Variants in RPTOR observed in about 807,000 individuals in gnomAD.
RPTOR encodes the protein regulatory associated protein of MTOR complex 1, also known as regulatory-associated protein of mTOR.
A neutral mutation model predicts 169.9 loss-of-function variants in RPTOR; 21 were observed. The observed-to-expected ratio is 0.12, with a 90% CI of 0.09 to 0.18. The LOEUF (loss-of-function observed/expected upper bound fraction) is 0.18. RPTOR is among the 10% of genes least tolerant of loss of function. The pLI is 1.00. For synonymous variants in RPTOR, 732 were observed against 753.2 expected, an observed-to-expected ratio of 0.97 and a Z score of 0.46; for missense variants, 1,133 against 1,855.9, an observed-to-expected ratio of 0.61 and a Z score of 7.16.
chr17:80,807,564 C>T (rs918460921), intron 7 of RPTOR, among the ~76,000 whole-genome samples: 1 of 152,194 alleles, frequency 6.6e-6, no homozygotes, highest in East Asian at 1.9e-4. Context: ...GTTGGCCAGG[C>T]TGGTCTTGAA....
chr17:80,935,657 CA>C (rs998470718), intron 24 of RPTOR, among the ~76,000 whole-genome samples: 2 of 151,290 alleles, frequency 1.3e-5, no homozygotes, highest in Admixed American at 6.6e-5. Context: ...AACCAGTTGT[CA>C]AAAAAAATAA....
chr17:80,858,060 C>A, intron 13 of RPTOR, 160 bp downstream of exon 13: 2 of 637,782 alleles, frequency 3.1e-6, no homozygotes, highest in Non-Finnish European at 5.6e-6. Flanking sequence ...GACGCGCCCG[C>A]CTCGGCAGCC....
At position 80,612,574 on chromosome 17, in the gene RPTOR, C is replaced by T. The variant is rs115758239; in HGVS notation, c.163-13117C>T. Among the ~76,000 whole-genome samples the T allele has an allele frequency of 2.3e-3, 355 of 152,322 alleles. 5 individuals carry two copies. The highest frequency in any genetic ancestry group is 8.0e-3 in the African/African-American group (333 of 41,568). Reference sequence around the variant, plus strand: ...GATTTTCAGCCTTTGCTTTGTGGCTCATTTGTTCTCTGAAGCCTGTGTCTT... The same window carrying T: ...GATTTTCAGCCTTTGCTTTGTGGCTTATTTGTTCTCTGAAGCCTGTGTCTT... On this transcript the variant is annotated intron_variant, in intron 1 of 33. Coordinates refer to ENST00000306801, the MANE Select transcript of RPTOR (RefSeq NM_020761.3).
At position 80,573,382 on chromosome 17, in the gene RPTOR, C is replaced by T. The variant is rs544330286; in HGVS notation, c.162+27591C>T. 3.3e-5 allele frequency among the ~76,000 whole-genome samples: 5 copies of T among 152,252 alleles called. No individual in the cohort carries two copies. The East Asian group carries it at 9.6e-4, about 29-fold the overall frequency. On this transcript the variant is annotated intron_variant, in intron 1 of 33. Coordinates refer to ENST00000306801, the MANE Select transcript of RPTOR (RefSeq NM_020761.3). ...TGATATCTTTTCAGAATTGAGACTT[C>T]TGGTCCACACACATGGCATATCTCT...
chr17:80,926,280 C>T (rs1159477911), intron 24 of RPTOR, among the ~76,000 whole-genome samples: 1 of 152,254 alleles, frequency 6.6e-6, no homozygotes, highest in African/African-American at 2.4e-5. Context: ...AACCATCAGG[C>T]AGCCCCTGAG....
intron 2 of RPTOR, among the ~76,000 whole-genome samples, chr17:80,629,192 T>C (rs1049272538): frequency 2.0e-5 from 3 of 151,784 alleles, no homozygotes; most frequent in South Asian, 4.2e-4. Flanking sequence ...CAGCTGTCTA[T>C]GTATTGCGCT....
intron 2 of RPTOR, among the ~76,000 whole-genome samples, chr17:80,629,140 A>G (rs927452708): frequency 6.7e-6 from 1 of 150,068 alleles, no homozygotes; most frequent in Non-Finnish European, 1.5e-5. Context: ...GCTGTTGGAC[A>G]TTGTACCGCA....
At chr17:80,616,188 A>G (rs1452755832) in intron 1 of RPTOR, among the ~76,000 whole-genome samples, 2 of 152,128 alleles carry the variant, frequency 1.3e-5, no homozygotes, top group African/African-American at 4.8e-5. Context: ...TCCCATGATA[A>G]TGTGGCTAAT....
chr17:80,735,479 A>G (rs1249471832), intron 5 of RPTOR, among the ~76,000 whole-genome samples: 3 of 152,236 alleles, frequency 2.0e-5, no homozygotes, highest in Non-Finnish European at 4.4e-5. Context: ...CTTAGCCTGT[A>G]AACTAGAAAG....
chr17:80,920,267 G>A (rs966626646), intron 21 of RPTOR, among the ~76,000 whole-genome samples: 5 of 152,192 alleles, frequency 3.3e-5, no homozygotes, highest in African/African-American at 4.8e-5. Context: ...CACACCCAGC[G>A]CAATCAACGC....
At chr17:80,963,782 A>C (rs1036220117) in intron 33 of RPTOR, among the ~76,000 whole-genome samples, 25 of 68,688 alleles carry the variant, frequency 3.6e-4, no homozygotes, top group South Asian at 5.0e-4. Flanking sequence ...TGCGGCCCTC[A>C]CCCCGTCCCC....
chr17:80,767,916 T>C (rs60097928), intron 6 of RPTOR, among the ~76,000 whole-genome samples: 2,077 of 152,184 alleles, frequency 0.014, 50 homozygotes, highest in African/African-American at 0.048. Context: ...CAGGCTGGAG[T>C]GCAGTGGTGC....
At chr17:80,711,781 C>T (rs75070306) in intron 4 of RPTOR, among the ~76,000 whole-genome samples, 2,456 of 76,004 alleles carry the variant, frequency 0.032, 97 homozygotes, top group African/African-American at 0.18. Flanking sequence ...CTCCCTCTGT[C>T]GCCAAGGCTG....
intron 6 of RPTOR, among the ~76,000 whole-genome samples, chr17:80,778,039 G>A (rs1464885351): frequency 2.6e-5 from 4 of 152,088 alleles, no homozygotes; most frequent in African/African-American, 9.7e-5. Context: ...AAACCTAAGG[G>A]CATTTGTATC....
intron 11 of RPTOR, among the ~76,000 whole-genome samples, chr17:80,849,050 A>G (rs2067764049): frequency 6.6e-6 from 1 of 152,196 alleles, no homozygotes; most frequent in African/African-American, 2.4e-5. Context: ...CACCTAACAC[A>G]AAAGTAGGGA....
rs182475658 is a variant in RPTOR at position 80,719,256 on chromosome 17, G to C, written c.507+11257G>C. Among the ~76,000 whole-genome samples, 223 of 152,258 alleles carry C rather than the reference G, an allele frequency of 1.5e-3. 2 individuals are homozygous for C. The highest frequency in any genetic ancestry group is 5.3e-3 in the African/African-American group (220 of 41,552). On this transcript the variant is annotated intron_variant, in intron 4 of 33. Coordinates refer to ENST00000306801, the MANE Select transcript of RPTOR (RefSeq NM_020761.3). ...GAGGAGAATTGGGAGAAAATGGCATGGGGGAAGCCGGGAAGGGTACCTGTC... is the reference window on the plus strand; with the variant it reads ...GAGGAGAATTGGGAGAAAATGGCATCGGGGAAGCCGGGAAGGGTACCTGTC...
Position 80,880,577 on chromosome 17 carries a change from G to A in RPTOR, c.1584+88G>A, listed in dbSNP as rs2289761. On this transcript the variant is annotated intron_variant, in intron 14 of 33. Coordinates refer to ENST00000306801, the MANE Select transcript of RPTOR (RefSeq NM_020761.3). ...CTGCACTGCGGTGGGGCCTTTTGAC[G>A]GGGGCTACAGGAGAAAGGTCAAGGG... 2.4e-3 allele frequency: 3,032 copies of A among 1,249,110 alleles called. 53 individuals are homozygous for A. The East Asian group carries it at 0.046, about 19-fold the overall frequency. The allele number at this position is 1,249,110 out of a possible 1,614,324, so 77.4% of individuals were successfully genotyped here.
intron 20 of RPTOR, among the ~76,000 whole-genome samples, chr17:80,905,595 C>CAAAAAAAAAAAAAA (rs57583520): frequency 6.7e-5 from 6 of 89,584 alleles, no homozygotes; most frequent in African/African-American, 2.0e-4. Context: ...GACTCTGTCT[C>CAAAAAAAAAAAAAA]AAAAAAAAAA....
chr17:80,788,028 T>C (rs2067011367), intron 6 of RPTOR, among the ~76,000 whole-genome samples: 1 of 152,254 alleles, frequency 6.6e-6, no homozygotes, highest in Non-Finnish European at 1.5e-5. Flanking sequence ...CTTTAGCTTG[T>C]CATCTGAAAG....
Sources: gnomAD v4.1 joint callset for allele counts (sites outside exome capture counted in the v4.1 genomes callset) on GRCh38, gnomAD v4.1.1 for gene constraint, MANE v1.5 for transcripts, NCBI Gene and HGNC (gene_info 2026-07-23, HGNC 2026-07-21) for gene names.